The following NBPF19 variants were observed in gnomAD, a reference collection of about 807,000 sequenced individuals.
NBPF19 encodes the protein NBPF family member NBPF19.
Under a neutral mutation model 45.9 loss-of-function variants are expected in NBPF19, and 30 were observed. That is an observed-to-expected ratio of 0.65 (90% confidence interval 0.49 to 0.89). The LOEUF (loss-of-function observed/expected upper bound fraction) is 0.89, where lower values mean the gene tolerates loss of function less well. Among genes scored for constraint, NBPF19 ranks in the 40% least tolerant of loss-of-function variants. The pLI is 0.00. For synonymous variants in NBPF19, 183 were observed against 181.2 expected (o/e 1.01, Z -0.08); for missense variants, 495 against 471.8 (o/e 1.05, Z -0.46).
At position 149,554,525 on chromosome 1, in the gene NBPF19, GC is replaced by G. The variant is rs2087195960; in HGVS notation, c.11321del (p.Pro3774LeufsTer53). 3 of 1,608,104 alleles carry G rather than the reference GC, an allele frequency of 1.9e-6. No individual in the cohort carries two copies. In the Admixed American group the frequency reaches 5.0e-5, roughly 27 times the overall value. On this transcript the variant is annotated frameshift_variant, in exon 94 of 94. Transcript: ENST00000651566. LOFTEE classifies it low-confidence loss of function (END_TRUNC). ...LNSVLMEVEEPEVLQDSLDGC... is the reference protein window; with the variant it reads ...LNSVLMEVEEXEVLQDSLDGC... ...ACAGCGTGCTGATGGAAGTGGAAGAGCCTGAAGTCTTACAGGACTCACTGGA... is the reference window on the plus strand; with the variant it reads ...ACAGCGTGCTGATGGAAGTGGAAGAGCTGAAGTCTTACAGGACTCACTGGA...
chr1:149,487,433 T>A lies in NBPF19; in HGVS notation c.1040+50T>A, dbSNP rs1570981567. Reference sequence around the variant, plus strand: ...TTAATTTGATGTTGACACCTGGAGATGCCAAGTCCAGGGAAAACAGTACAT... The same window carrying A: ...TTAATTTGATGTTGACACCTGGAGAAGCCAAGTCCAGGGAAAACAGTACAT... On this transcript the variant is annotated intron_variant, in intron 9 of 93. Coordinates refer to ENST00000651566, the MANE Select transcript of NBPF19 (RefSeq NM_001351365.2). 3 of 974,436 alleles carry A rather than the reference T, an allele frequency of 3.1e-6. No homozygotes were observed. In the East Asian group the frequency reaches 7.1e-5, roughly 23 times the overall value. 60.4% of individuals were successfully genotyped at this position (974,436 alleles called of 1,614,324 possible). A position where few individuals can be genotyped will look rare whatever the true frequency, so the allele number is the denominator to read the frequency against.
At position 149,554,633 on chromosome 1, in the gene NBPF19, G is replaced by T. The variant is rs1167744788; in HGVS notation, c.11427G>T (p.Glu3809Asp). The change falls in exon 94 of 94, where the codon GAG (glutamate) becomes GAT (aspartate). Residue 3809 changes from glutamate to aspartate, a missense_variant. Physicochemically the swap from Glu to Asp is conservative, Grantham distance 45 (BLOSUM62 2). Around this residue, in one of 8 missense-constraint regions of NBPF19, gnomAD observed 248 missense variants for 95.4 expected, o/e 2.60. Transcript: ENST00000651566. The part of the protein sequence containing the change: ...QHYRSVFYSF[E>D]EEHISFALYL... ...ACAGAAGTGTGTTTTACTCATTTGA[G>T]GAAGAGCATATCAGCTTCGCCCTTT... 4.8e-5 allele frequency: 77 copies of T among 1,608,198 alleles called. 2 individuals carry two copies. The highest frequency in any genetic ancestry group is 6.4e-5 in the Non-Finnish European group (75 of 1,176,764).
rs1198691121 is a variant in NBPF19, at chr1:149,478,962, C to T, written c.361C>T (p.Arg121Cys). 9.1e-5 allele frequency: 146 copies of T among 1,602,598 alleles called. 5 individuals are homozygous for T. The African/African-American group carries it at 1.5e-3, about 16-fold the overall frequency. ...EKLREGRDAS[R>C]SLNEHLQALL... ...GTTACGGGAAGGGAGAGATGCCTCC[C>T]GCTCATTGAATGAGCATCTCCAGGC... Residue 121 changes from arginine to cysteine, a missense_variant, in exon 4 of 94, where the codon CGC (arginine) becomes TGC (cysteine). Arg to Cys is a radical substitution (Grantham distance 180). Transcript: ENST00000651566.
chr1:149,487,722 T>A (rs1355900983), intron 9 of NBPF19, among the ~76,000 whole-genome samples: 1 of 149,664 alleles, frequency 6.7e-6, no homozygotes, highest in Non-Finnish European at 1.5e-5. Context: ...AAATACAGAG[T>A]GTCCTTTGAC....
Position 149,554,505 on chromosome 1 carries a change from G to C in NBPF19, c.11299G>C (p.Val3767Leu), listed in dbSNP as rs1252031487. The C allele has an allele frequency of 2.5e-6, 4 of 1,608,070 alleles. No homozygotes were observed. The highest frequency in any genetic ancestry group is 2.2e-5 in the East Asian group (1 of 44,846). ...QNPPCPRLNS[V>L]LMEVEEPEVL... is the part of the protein sequence containing the mutation. ...TGTCTCCTTTTCCAGGCTCAACAGC[G>C]TGCTGATGGAAGTGGAAGAGCCTGA... Residue 3767 changes from valine to leucine, a missense_variant, in exon 94 of 94, where the codon GTG (valine) becomes CTG (leucine). Physicochemically the swap from Val to Leu is conservative, Grantham distance 32. Around this residue, in one of 8 missense-constraint regions of NBPF19, gnomAD observed 248 missense variants for 95.4 expected, o/e 2.60. Coordinates refer to ENST00000651566, the MANE Select transcript of NBPF19 (RefSeq NM_001351365.2).
At chr1:149,486,469 T>G (rs1266403486) in intron 8 of NBPF19, among the ~76,000 whole-genome samples, 176 bp downstream of exon 8, 1 of 149,740 alleles carries the variant, frequency 6.7e-6, no homozygotes, top group East Asian at 2.0e-4. Flanking sequence ...AGGCATGGGG[T>G]GGGTCAGTGA....
intron 93 of NBPF19, 75 bp from the exon 94 acceptor site, chr1:149,554,420 A>G: frequency 4.4e-6 from 7 of 1,606,552 alleles, no homozygotes; most frequent in South Asian, 1.1e-5. Context: ...TCCTTATGTG[A>G]CTTCTGAAAT....
chr1:149,478,192 A>C, intron 3 of NBPF19, 145 bp downstream of exon 3: 1 of 731,812 alleles, frequency 1.4e-6, no homozygotes, highest in African/African-American at 1.7e-5. Context: ...ACAAATATTT[A>C]TCAGTGAACA....
rs1288043505 is a variant in NBPF19 at position 149,486,222 on chromosome 1, C to T, written c.917C>T (p.Ser306Leu). The part of the protein sequence containing the change: ...TLSIPPEMLA[S>L]YQSYSSTFHS... ...TCAATTCCTCCTGAAATGTTGGCCT[C>T]GTACCAGTCTTACAGCAGCACATTT... Residue 306 changes from serine to leucine, a missense_variant, in exon 8 of 94, where the codon TCG becomes TTG. By Grantham distance (145) the Ser-to-Leu change is moderately radical (BLOSUM62 -2). Transcript: ENST00000651566. The T allele has an allele frequency of 3.4e-5, 18 of 532,428 alleles. No individual in the cohort carries two copies. Among genetic ancestry groups the T allele is most frequent in the East Asian group, 1.2e-4 (4 of 34,034 alleles). 33.0% of individuals were successfully genotyped at this position (532,428 alleles called of 1,614,324 possible).
At chr1:149,487,548 T>A (rs1385043232) in intron 9 of NBPF19, among the ~76,000 whole-genome samples, 165 bp downstream of exon 9, 5 of 151,130 alleles carry the variant, frequency 3.3e-5, no homozygotes, top group Non-Finnish European at 7.4e-5. Flanking sequence ...ATGTTTAGGT[T>A]TCCATTTCTT....
rs2085722261 is a variant in NBPF19, at chr1:149,488,031, G to C, written c.1059G>C (p.Leu353=). The change falls in exon 10 of 94, where the codon CTG becomes CTC. Residue 353 remains leucine (L), a synonymous_variant. Coordinates refer to ENST00000651566, the MANE Select transcript of NBPF19 (RefSeq NM_001351365.2). ...ATGPRLSREL[L]DEKGPEVLQD... is the part of the protein sequence containing the mutation. The stretch of plus-strand genomic sequence containing the variant: ...TTTCCAGGCTCAGCAGGGAGCTGCT[G>C]GATGAGAAAGGGCCTGAAGTCTTGC... 1.5e-6 allele frequency: 1 copy of C among 687,562 alleles called. No homozygotes were observed. The highest frequency in any genetic ancestry group is 2.7e-6 in the Non-Finnish European group (1 of 376,672). 42.6% of individuals were successfully genotyped at this position (687,562 alleles called of 1,614,324 possible).
At chr1:149,486,328 G>T in intron 8 of NBPF19, 35 bp downstream of exon 8, 2 of 617,334 alleles carry the variant, frequency 3.2e-6, no homozygotes, top group Non-Finnish European at 5.8e-6. Context: ...TAAAGCTCCA[G>T]TTCATGGCCC....
At chr1:149,487,441 C>G (rs1458929395) in intron 9 of NBPF19, 58 bp downstream of exon 9, 2 of 931,538 alleles carry the variant, frequency 2.1e-6, no homozygotes, top group African/African-American at 1.6e-5. Flanking sequence ...GATGCCAAGT[C>G]CAGGGAAAAC....
chr1:149,478,212 A>G (rs1171792720), intron 3 of NBPF19, among the ~76,000 whole-genome samples, 165 bp downstream of exon 3: 1 of 151,178 alleles, frequency 6.6e-6, no homozygotes, highest in Non-Finnish European at 1.5e-5. Context: ...AAGGATAATA[A>G]TAAGTTCTGT....
In NBPF19 at chr1:149,554,548, T is replaced by A. The variant is rs2087196927; in HGVS notation, c.11342T>A (p.Leu3781Gln). ...GAGCCTGAAGTCTTACAGGACTCAC[T>A]GGATGGATGTTATTCGACTCCGTCA... is the stretch of plus-strand genomic sequence containing the variant. ...VEEPEVLQDSLDGCYSTPSMY... is the reference protein window; with the variant it reads ...VEEPEVLQDSQDGCYSTPSMY... Residue 3781 changes from leucine to glutamine, a missense_variant, in exon 94 of 94, where the codon CTG (leucine) becomes CAG (glutamine). This residue lies in a region of NBPF19 where 248 missense variants were observed against 95.4 expected (regional missense o/e 2.60). Transcript: ENST00000651566. 1 of 1,608,284 alleles carries A rather than the reference T, an allele frequency of 6.2e-7. No homozygotes were observed. The highest frequency in any genetic ancestry group is 1.3e-5 in the African/African-American group (1 of 74,776).
intron 14 of NBPF19, 50 bp downstream of exon 14, chr1:149,491,361 A>G: frequency 1.2e-5 from 2 of 168,704 alleles, no homozygotes; most frequent in Non-Finnish European, 2.1e-5. Flanking sequence ...TCTTCCATAT[A>G]AAGATCATAT....
intron 9 of NBPF19, among the ~76,000 whole-genome samples, 173 bp downstream of exon 9, chr1:149,487,556 C>T (rs1397761161): frequency 1.3e-5 from 2 of 151,178 alleles, no homozygotes; most frequent in East Asian, 3.9e-4. Flanking sequence ...GTTTCCATTT[C>T]TTCCTACCCT....
rs2087208440 is a variant in NBPF19 at position 149,554,836 on chromosome 1, C to G, written c.*98C>G. 12 of 1,583,318 alleles carry G rather than the reference C, an allele frequency of 7.6e-6. No homozygotes were observed. The highest frequency in any genetic ancestry group is 3.4e-5 in the Admixed American group (2 of 58,780). ...CTACAGTTCCATTTGGAAGCCCAGA[C>G]ATAGGATGGGTCAGTGGGCATGGCT... On this transcript the variant is annotated 3_prime_UTR_variant, in exon 94 of 94. Coordinates refer to ENST00000651566, the MANE Select transcript of NBPF19 (RefSeq NM_001351365.2).
chr1:149,481,103 CAT>C (rs1263913059), intron 6 of NBPF19, among the ~76,000 whole-genome samples: 2 of 142,698 alleles, frequency 1.4e-5, no homozygotes, highest in Non-Finnish European at 1.5e-5. Flanking sequence ...GTGACAATCT[CAT>C]AGTCACCTGA....
Sources: gnomAD v4.1 joint callset for allele counts (sites outside exome capture counted in the v4.1 genomes callset) on GRCh38, gnomAD v4.1.1 for gene constraint, gnomAD v4.1.1 regional missense constraint, MANE v1.5 for transcripts, NCBI Gene and HGNC (gene_info 2026-07-23, HGNC 2026-07-21) for gene names.